Variants in DCX observed in about 807,000 individuals in gnomAD.
DCX encodes doublecortin.
DCX carries 4 observed loss-of-function variants against 20.9 expected under a neutral mutation model. The ratio of observed to expected loss-of-function variants is 0.19; its 90% CI spans 0.09 to 0.44. DCX has a LOEUF of 0.44. Among genes scored for constraint, DCX ranks in the 20% least tolerant of loss-of-function variants. DCX has a pLI of 0.99. For synonymous variants in DCX, 103 were observed against 111.4 expected (o/e 0.92, Z 0.47); for missense variants, 133 against 296.9 (o/e 0.45, Z 4.06).
In DCX at chrX:111,363,055, G is replaced by A. The variant is rs145373488; in HGVS notation, c.706-29902C>T. 3.7e-3 allele frequency among the ~76,000 whole-genome samples: 409 copies of A among 111,643 alleles called. 3 individuals are homozygous for A. The highest frequency in any genetic ancestry group is 0.013 in the African/African-American group (386 of 30,729). ...CAACTGTGGTAAGGCTACAAGGTGA[G>A]GTAATTGGTGCATATGACAAAAGAA... is the stretch of plus-strand genomic sequence containing the variant. On this transcript the variant is annotated intron_variant, in intron 3 of 6. Transcript: ENST00000636035.
intron 3 of DCX, among the ~76,000 whole-genome samples, chrX:111,386,970 CAT>C (rs1926572841): frequency 9.0e-6 from 1 of 111,567 alleles, no homozygotes; most frequent in African/African-American, 3.3e-5. Flanking sequence ...GCGGGTAACA[CAT>C]GTTAGAACAA....
Position 111,410,427 on chromosome X carries a change from G to A in DCX, c.-22-7C>T, listed in dbSNP as rs1165659850. 2 of 1,209,203 alleles carry A rather than the reference G, an allele frequency of 1.7e-6. No individual in the cohort carries two copies. Among genetic ancestry groups the A allele is most frequent in the Admixed American group, 2.2e-5 (1 of 45,921 alleles). ...TTGGTGGAACCTCAGAGACCTGAGC[G>A]TGGGAGAAAGGGATGGGGGTGAAGA... On this transcript the variant is annotated splice_region_variant and splice_polypyrimidine_tract_variant and intron_variant, in intron 1 of 6. Coordinates refer to ENST00000636035, the MANE Select transcript of DCX (RefSeq NM_001195553.2).
intron 3 of DCX, among the ~76,000 whole-genome samples, chrX:111,353,967 G>A (rs1273969037): frequency 4.5e-5 from 5 of 111,829 alleles, no homozygotes; most frequent in African/African-American, 1.6e-4. Context: ...ACTCATACCA[G>A]TTACTTTTTG....
chrX:111,385,578 C>T (rs1361014848), intron 3 of DCX, among the ~76,000 whole-genome samples: 6 of 110,262 alleles, frequency 5.4e-5, no homozygotes, highest in Non-Finnish European at 1.1e-4. Context: ...ATCACTTGAA[C>T]CTGGGAGGCA....
intron 3 of DCX, among the ~76,000 whole-genome samples, chrX:111,390,040 T>A (rs962583388): frequency 8.9e-5 from 10 of 112,111 alleles, no homozygotes; most frequent in Non-Finnish European, 1.7e-4. Context: ...GGGACCAATT[T>A]AATCACATGA....
At chrX:111,351,881 G>T (rs148209266) in intron 3 of DCX, among the ~76,000 whole-genome samples, 131 of 111,454 alleles carry the variant, frequency 1.2e-3, no homozygotes, top group Middle Eastern at 4.6e-3. Context: ...CAAGTCACCA[G>T]GCCCGGCTAA....
intron 2 of DCX, among the ~76,000 whole-genome samples, chrX:111,403,352 T>C (rs1927961549): frequency 8.9e-6 from 1 of 112,135 alleles, no homozygotes; most frequent in Non-Finnish European, 1.9e-5. Flanking sequence ...GTAGCCCTAT[T>C]AGGACTTTGG....
chrX:111,401,631 G>T (rs1008747119), intron 2 of DCX, among the ~76,000 whole-genome samples: 2 of 111,886 alleles, frequency 1.8e-5, no homozygotes, highest in East Asian at 2.8e-4. Context: ...GCTTGATATG[G>T]TTTTTTCTGG....
chrX:111,359,329 T>C (rs1230952437), intron 3 of DCX, among the ~76,000 whole-genome samples: 1 of 111,641 alleles, frequency 9.0e-6, no homozygotes, highest in Non-Finnish European at 1.9e-5. Flanking sequence ...ATTTTATAAA[T>C]TGGATTCAGA....
chrX:111,306,052 G>A (rs1355086592), intron 6 of DCX, among the ~76,000 whole-genome samples: 1 of 111,082 alleles, frequency 9.0e-6, no homozygotes, highest in Non-Finnish European at 1.9e-5. Context: ...ATAGAAAATC[G>A]CAAAATGGTA....
At chrX:111,352,195 A>G (rs1368487538) in intron 3 of DCX, among the ~76,000 whole-genome samples, 1 of 112,143 alleles carries the variant, frequency 8.9e-6, no homozygotes, top group Non-Finnish European at 1.9e-5. Context: ...AATGCACAGG[A>G]CAGCTCCCTA....
intron 3 of DCX, among the ~76,000 whole-genome samples, chrX:111,344,421 T>A (rs1485350105): frequency 1.8e-5 from 2 of 111,798 alleles, no homozygotes; most frequent in African/African-American, 6.5e-5. Context: ...ATAAACGGTA[T>A]TCAAGTAGGA....
intron 6 of DCX, among the ~76,000 whole-genome samples, chrX:111,304,572 T>C (rs1203963306): frequency 2.7e-5 from 3 of 111,455 alleles, no homozygotes; most frequent in Non-Finnish European, 5.6e-5. Flanking sequence ...TCCCAGAGAA[T>C]TGTCAATCTT....
rs758499194 is a variant in DCX at position 111,330,945 on chromosome X, C to T, written c.905G>A (p.Arg302His). 5 of 1,211,853 alleles carry T rather than the reference C, an allele frequency of 4.1e-6. No individual in the cohort carries two copies. The highest frequency in any genetic ancestry group is 1.8e-5 in the South Asian group (1 of 56,994). Residue 302 changes from arginine to histidine, a missense_variant, in exon 5 of 7, where the codon CGC becomes CAC. Transcript: ENST00000636035. ...TGAGTCAGCTGGAGACTTGCTTCGGCGCATAGGACCAGGGCTCTTGGCTGA... is the reference window on the plus strand; with the variant it reads ...TGAGTCAGCTGGAGACTTGCTTCGGTGCATAGGACCAGGGCTCTTGGCTGA... The part of the protein sequence containing the change: ...KTSAKSPGPM[R>H]RSKSPADSGN...
rs1262018706 is a variant in DCX, at chrX:111,400,999, A to G, written c.696T>C (p.Asp232=). ...TTGAAAAAGTACCTACCTGTTTTCC[A>G]TCCAGAGTGTAGAGTTTTTTGACAA... ...TGVVKKLYTL[D]GKQVTCLHDF... The change falls in exon 3 of 7, where the codon GAT becomes GAC. Residue 232 remains aspartate, a synonymous_variant. Coordinates refer to ENST00000636035, the MANE Select transcript of DCX (RefSeq NM_001195553.2). The G allele has an allele frequency of 3.3e-6, 4 of 1,209,365 alleles. No individual in the cohort carries two copies. Among genetic ancestry groups the G allele is most frequent in the Non-Finnish European group, 4.5e-6 (4 of 894,419 alleles).
At chrX:111,310,265 G>A (rs1365324672) in intron 6 of DCX, among the ~76,000 whole-genome samples, 6 of 111,202 alleles carry the variant, frequency 5.4e-5, no homozygotes, top group Non-Finnish European at 7.5e-5. Context: ...CCGGGAGTGC[G>A]GAGCTTGCAG....
intron 3 of DCX, among the ~76,000 whole-genome samples, chrX:111,391,393 A>G (rs1926943590): frequency 9.0e-6 from 1 of 111,346 alleles, no homozygotes; most frequent in African/African-American, 3.3e-5. Flanking sequence ...TTTTTCATAA[A>G]TTACCAGTCT....
chrX:111,318,029 A>G (rs1381370334), intron 5 of DCX, among the ~76,000 whole-genome samples: 2 of 107,741 alleles, frequency 1.9e-5, no homozygotes, highest in Non-Finnish European at 3.8e-5. Flanking sequence ...TACTAAAAAT[A>G]TAAAAATTAG....
At chrX:111,360,028 T>C (rs1157742642) in intron 3 of DCX, among the ~76,000 whole-genome samples, 1 of 112,208 alleles carries the variant, frequency 8.9e-6, no homozygotes, top group Non-Finnish European at 1.9e-5. Flanking sequence ...AAAATGCCTA[T>C]TGCAGTATCG....
Sources: allele counts gnomAD v4.1 joint callset (sites outside exome capture counted in the v4.1 genomes callset), GRCh38; gene constraint gnomAD v4.1.1; transcripts MANE v1.5; gene names NCBI Gene and HGNC (gene_info 2026-07-23, HGNC 2026-07-21).